Variants in LRRC39 observed in about 807,000 individuals in gnomAD.
LRRC39 encodes leucine rich repeat containing 39.
LRRC39 carries 35 observed loss-of-function variants against 39.7 expected under a neutral mutation model. That is an observed-to-expected ratio of 0.88 (90% CI 0.67 to 1.17). The LOEUF is 1.17. Among genes scored for constraint, LRRC39 ranks in the 50% most tolerant of loss-of-function variants. The pLI, the probability that LRRC39 is intolerant of heterozygous loss-of-function variation, is 0.00. For synonymous variants in LRRC39, 113 were observed against 134.1 expected, an observed-to-expected ratio of 0.84 and a Z score of 1.09; for missense variants, 357 against 385.8, an observed-to-expected ratio of 0.93 and a Z score of 0.62.
intron 2 of LRRC39, among the ~76,000 whole-genome samples, chr1:100,171,696 G>C (rs914709151): frequency 6.7e-6 from 1 of 150,282 alleles, no homozygotes; most frequent in African/African-American, 2.4e-5. Flanking sequence ...TAAAGACAGG[G>C]GTCTTGCTAT....
chr1:100,167,274 AG>A (rs1659314960), intron 3 of LRRC39, among the ~76,000 whole-genome samples: 1 of 152,222 alleles, frequency 6.6e-6, no homozygotes, highest in Non-Finnish European at 1.5e-5. Context: ...GTAACACTGA[AG>A]GAAGCTAATC....
intron 2 of LRRC39, among the ~76,000 whole-genome samples, chr1:100,169,698 A>T (rs1006226666): frequency 1.3e-5 from 2 of 152,112 alleles, no homozygotes; most frequent in African/African-American, 4.8e-5. Context: ...ATTCTAATGA[A>T]TGTGAATATT....
chr1:100,156,024 A>T, intron 7 of LRRC39, 148 bp downstream of exon 7: 1 of 734,082 alleles, frequency 1.4e-6, no homozygotes, highest in South Asian at 3.8e-5. Flanking sequence ...CTTGGAACAA[A>T]TGAAAATATT....
At chr1:100,150,236 CT>C (rs969418691) in intron 9 of LRRC39, 3 of 152,108 alleles carry the variant, frequency 2.0e-5, no homozygotes, top group Non-Finnish European at 4.4e-5. Context: ...ACTCGTGAAT[CT>C]TTTTAATAAC....
intron 7 of LRRC39, 31 bp from the exon 8 acceptor site, chr1:100,155,234 C>A: frequency 4.0e-6 from 6 of 1,497,796 alleles, no homozygotes; most frequent in Non-Finnish European, 4.5e-6. Context: ...CAATTAATTA[C>A]ATATAATATG....
intron 3 of LRRC39, among the ~76,000 whole-genome samples, chr1:100,163,356 T>C (rs1312580177): frequency 6.6e-6 from 1 of 152,210 alleles, no homozygotes; most frequent in Non-Finnish European, 1.5e-5. Flanking sequence ...CTGTTGTTAC[T>C]GAGTTCACGG....
chr1:100,157,969 A>C (rs945856692), intron 6 of LRRC39, among the ~76,000 whole-genome samples: 1 of 152,216 alleles, frequency 6.6e-6, no homozygotes, highest in Admixed American at 6.5e-5. Flanking sequence ...CTGAGACTAT[A>C]ATACAACTCT....
At chr1:100,156,434 T>C (rs1658452122) in intron 6 of LRRC39, 117 bp from the exon 7 acceptor site, 2 of 922,392 alleles carry the variant, frequency 2.2e-6, no homozygotes, top group South Asian at 2.6e-5. Context: ...ACTTGGGCTT[T>C]ATTTAGTCAT....
intron 1 of LRRC39, among the ~76,000 whole-genome samples, chr1:100,177,585 A>C (rs866585238): frequency 6.6e-6 from 1 of 152,250 alleles, no homozygotes; most frequent in Non-Finnish European, 1.5e-5. Flanking sequence ...ACCAATTTAC[A>C]ATTTATTGTC....
At chr1:100,165,675 A>G (rs1311385910) in intron 3 of LRRC39, among the ~76,000 whole-genome samples, 1 of 152,102 alleles carries the variant, frequency 6.6e-6, no homozygotes, top group Non-Finnish European at 1.5e-5. Flanking sequence ...TCCAAGTCCA[A>G]GTGTTTACCA....
intron 6 of LRRC39, among the ~76,000 whole-genome samples, chr1:100,156,705 G>A (rs1658467321): frequency 6.6e-6 from 1 of 152,122 alleles, no homozygotes; most frequent in Non-Finnish European, 1.5e-5. Context: ...TGGAGGAAAG[G>A]GGTAGCTCAT....
intron 2 of LRRC39, among the ~76,000 whole-genome samples, chr1:100,173,062 AAAAT>A (rs1659736963): frequency 1.3e-5 from 2 of 151,558 alleles, no homozygotes; most frequent in Admixed American, 1.3e-4. Flanking sequence ...AAATAAAAAT[AAAAT>A]AAATAAAAAT....
chr1:100,170,685 C>T (rs1395637822), intron 2 of LRRC39, among the ~76,000 whole-genome samples: 4 of 151,130 alleles, frequency 2.6e-5, no homozygotes, highest in Admixed American at 6.6e-5. Flanking sequence ...TTCTTCCTTC[C>T]TCCTTCCCTC....
At chr1:100,158,477 G>T (rs1008880299) in intron 5 of LRRC39, 110 bp from the exon 6 acceptor site, 3 of 969,788 alleles carry the variant, frequency 3.1e-6, no homozygotes, top group African/African-American at 1.7e-5. Flanking sequence ...TTGCTCTGTC[G>T]CCCAGGCTGG....
intron 3 of LRRC39, among the ~76,000 whole-genome samples, chr1:100,162,641 A>G (rs1658969095): frequency 6.9e-6 from 1 of 145,892 alleles, no homozygotes; most frequent in Admixed American, 6.8e-5. Flanking sequence ...CGGTCTCCAG[A>G]AAAAAAAAAA....
chr1:100,168,878 G>T (rs188958645), intron 2 of LRRC39, among the ~76,000 whole-genome samples: 18 of 152,018 alleles, frequency 1.2e-4, no homozygotes, highest in Non-Finnish European at 1.8e-4. Context: ...TCATAATAAT[G>T]AAAAACTGCA....
At chr1:100,172,412 C>G (rs555558685) in intron 2 of LRRC39, among the ~76,000 whole-genome samples, 1 of 152,150 alleles carries the variant, frequency 6.6e-6, no homozygotes, top group African/African-American at 2.4e-5. Context: ...ACTGGCCAGG[C>G]GCACTGGCTC....
At position 100,148,769 on chromosome 1, in the gene LRRC39, TTTG is replaced by T. The variant is rs1238568556; in HGVS notation, c.*270_*272del. The T allele has an allele frequency of 6.4e-7, 1 of 1,562,528 alleles. No individual in the cohort carries two copies. The highest frequency in any genetic ancestry group is 8.6e-7 in the Non-Finnish European group (1 of 1,158,850). ...ACCCTCTGGTGTCTTTGGAAAATGT[TTTG>T]TTAACTGCTTTACCAAATCATTCTT... On this transcript the variant is annotated 3_prime_UTR_variant, in exon 10 of 10. Transcript: ENST00000370137.
chr1:100,152,129 A>G (rs1015859357), intron 9 of LRRC39, among the ~76,000 whole-genome samples: 3 of 152,108 alleles, frequency 2.0e-5, no homozygotes, highest in Admixed American at 6.6e-5. Flanking sequence ...GTCTTCACTC[A>G]CTTGGTTTTA....
Sources: gnomAD v4.1 joint callset for allele counts (sites outside exome capture counted in the v4.1 genomes callset) on GRCh38, gnomAD v4.1.1 for gene constraint, MANE v1.5 for transcripts, NCBI Gene and HGNC (gene_info 2026-07-23, HGNC 2026-07-21) for gene names.